C12orf42: variants seen among roughly 807,000 people sequenced by gnomAD.
The protein encoded by C12orf42 is uncharacterized protein C12orf42.
C12orf42 carries 25 observed loss-of-function variants against 21.6 expected under a neutral mutation model. The observed-to-expected ratio is 1.16, with a 90% CI of 0.84 to 1.62. The LOEUF (loss-of-function observed/expected upper bound fraction) is 1.62, where lower values mean the gene tolerates loss of function less well. Ranked by LOEUF, C12orf42 falls within the 40% of genes most tolerant of loss-of-function variation. C12orf42 has a pLI of 0.00. For synonymous variants in C12orf42, 174 were observed against 175.0 expected, an observed-to-expected ratio of 0.99 and a Z score of 0.05; for missense variants, 483 against 459.3, an observed-to-expected ratio of 1.05 and a Z score of -0.47.
chr12:103,190,123 G>A, the C12orf42 span, among the ~76,000 whole-genome samples: 4 of 152,112 alleles, frequency 2.6e-5, no homozygotes, highest in African/African-American at 9.7e-5. Context: ...AAATCCAAAA[G>A]CCTCAAAACT....
intron 2 of C12orf42, among the ~76,000 whole-genome samples, chr12:103,462,095 G>GTT (rs1565867930): frequency 6.4e-5 from 2 of 31,482 alleles, no homozygotes; most frequent in Non-Finnish European, 1.4e-4. Context: ...TTTTTTGCTT[G>GTT]GTTTTTTTTT....
the C12orf42 span, among the ~76,000 whole-genome samples, chr12:103,229,092 C>T: frequency 6.6e-6 from 1 of 152,122 alleles, no homozygotes; most frequent in African/African-American, 2.4e-5. Context: ...AACATATGTT[C>T]TCATCACTTC....
At chr12:103,494,960 C>T (rs1259049645) in intron 1 of C12orf42, among the ~76,000 whole-genome samples, 1 of 151,910 alleles carries the variant, frequency 6.6e-6, no homozygotes, top group African/African-American at 2.4e-5. Flanking sequence ...AAAGAAGCTG[C>T]CTAAAAGATC....
chr12:103,140,110 C>T, the C12orf42 span, among the ~76,000 whole-genome samples: 2 of 152,210 alleles, frequency 1.3e-5, no homozygotes, highest in South Asian at 2.1e-4. Context: ...ACAGTGGCCT[C>T]TTCCTGGTTG....
chr12:103,199,220 T>A, the C12orf42 span, among the ~76,000 whole-genome samples: 1 of 152,178 alleles, frequency 6.6e-6, no homozygotes, highest in African/African-American at 2.4e-5. Flanking sequence ...GAAAGAATAG[T>A]TTCTTTAATA....
At chr12:103,436,495 T>C (rs1284284900) in intron 2 of C12orf42, among the ~76,000 whole-genome samples, 1 of 151,750 alleles carries the variant, frequency 6.6e-6, no homozygotes, top group Non-Finnish European at 1.5e-5. Flanking sequence ...ATGTGCTGTA[T>C]TCAGGAAACC....
the C12orf42 span, among the ~76,000 whole-genome samples, chr12:103,086,301 AT>A: frequency 7.9e-5 from 12 of 151,688 alleles, no homozygotes; most frequent in African/African-American, 2.4e-4. Flanking sequence ...AATTTAACAC[AT>A]TTTTTTGAGA....
At chr12:103,178,581 A>T in the C12orf42 span, 3 of 152,216 alleles carry the variant, frequency 2.0e-5, no homozygotes, top group Non-Finnish European at 4.4e-5. Context: ...GCTCTTACAC[A>T]TTCAGACTTT....
the C12orf42 span, among the ~76,000 whole-genome samples, chr12:103,160,386 A>G: frequency 2.0e-5 from 3 of 152,326 alleles, no homozygotes; most frequent in South Asian, 6.2e-4. Flanking sequence ...TATAGGAATT[A>G]CCCTGTTCTC....
At chr12:103,362,616 G>A (rs1442995797) in intron 4 of C12orf42, among the ~76,000 whole-genome samples, 2 of 150,876 alleles carry the variant, frequency 1.3e-5, no homozygotes, top group African/African-American at 2.4e-5. Context: ...AGAAATGAAG[G>A]GAGAAATCCT....
intron 2 of C12orf42, among the ~76,000 whole-genome samples, chr12:103,448,189 G>A (rs1362297476): frequency 1.3e-5 from 2 of 151,916 alleles, no homozygotes; most frequent in African/African-American, 4.8e-5. Context: ...ACATGAAGTC[G>A]GGAAAGGATA....
At chr12:103,092,203 C>A in the C12orf42 span, among the ~76,000 whole-genome samples, 18 of 152,334 alleles carry the variant, frequency 1.2e-4, 1 homozygote, top group African/African-American at 3.8e-4. Flanking sequence ...AAGTCTTAGT[C>A]ACTGGAGAAC....
intron 2 of C12orf42, among the ~76,000 whole-genome samples, chr12:103,449,460 A>T (rs1299747792): frequency 6.6e-6 from 1 of 151,938 alleles, no homozygotes; most frequent in Non-Finnish European, 1.5e-5. Context: ...ATGTAACCAA[A>T]CACCCCCTGT....
chr12:103,220,862 G>T, the C12orf42 span, among the ~76,000 whole-genome samples: 1 of 152,170 alleles, frequency 6.6e-6, no homozygotes, highest in Non-Finnish European at 1.5e-5. Flanking sequence ...ATTGCTCAAG[G>T]AAGATTCCCT....
the C12orf42 span, among the ~76,000 whole-genome samples, chr12:103,068,119 G>A: frequency 1.3e-5 from 2 of 152,190 alleles, no homozygotes; most frequent in African/African-American, 4.8e-5. Flanking sequence ...GTAGAAGAAG[G>A]TAGTCATCAA....
chr12:103,199,339 A>G, the C12orf42 span, among the ~76,000 whole-genome samples: 1 of 152,212 alleles, frequency 6.6e-6, no homozygotes, highest in East Asian at 1.9e-4. Context: ...AATTCATTAT[A>G]AACACAATAT....
chr12:103,291,844 C>T (rs192299412), intron 4 of C12orf42, among the ~76,000 whole-genome samples: 6 of 152,144 alleles, frequency 3.9e-5, no homozygotes, highest in Non-Finnish European at 8.8e-5. Flanking sequence ...CCTGCTTTAA[C>T]CAGATCTTGT....
chr12:103,506,749 T>A, the C12orf42 span, among the ~76,000 whole-genome samples: 1 of 137,612 alleles, frequency 7.3e-6, no homozygotes, highest in Admixed American at 8.5e-5. Flanking sequence ...AGAAAGAAAG[T>A]ACATAAAACA....
chr12:103,197,144 A>G, the C12orf42 span, among the ~76,000 whole-genome samples: 1 of 152,168 alleles, frequency 6.6e-6, no homozygotes, highest in Non-Finnish European at 1.5e-5. Flanking sequence ...TGCTTGTCTG[A>G]AAAAGATTTT....
Sources: gnomAD v4.1 joint callset for allele counts (sites outside exome capture counted in the v4.1 genomes callset) on GRCh38, gnomAD v4.1.1 for gene constraint, MANE v1.5 for transcripts, NCBI Gene and HGNC (gene_info 2026-07-23, HGNC 2026-07-21) for gene names.